Variants in PDLIM5 observed in about 807,000 individuals in gnomAD.
The protein encoded by PDLIM5 is PDZ and LIM domain 5, also known as PDZ and LIM domain protein 5.
PDLIM5 carries 34 observed loss-of-function variants against 64.2 expected under a neutral mutation model. The ratio of observed to expected loss-of-function variants is 0.53; its 90% CI spans 0.40 to 0.71. The LOEUF (loss-of-function observed/expected upper bound fraction) is 0.71. Ranked by LOEUF, PDLIM5 falls within the 30% of genes least tolerant of loss-of-function variation. The probability of loss-of-function intolerance (pLI) is 0.00; values close to 1 mark genes in which losing one functional copy is unlikely to be tolerated. For missense variants in PDLIM5, 683 were observed against 733.6 expected (o/e 0.93, Z 0.80); for synonymous variants, 253 against 269.1 (o/e 0.94, Z 0.59).
chr4:94,554,904 T>G lies in PDLIM5; in HGVS notation c.249-18447T>G, dbSNP rs574216867. Among the ~76,000 whole-genome samples the G allele has an allele frequency of 2.2e-3, 329 of 152,332 alleles. 1 individual carries two copies. Among genetic ancestry groups the G allele is most frequent in the African/African-American group, 7.1e-3 (297 of 41,582 alleles). ...ATACCATTCTGTTTTTCACTTTCAG[T>G]ACAGTATTCAATAAATAACATGAGA... On this transcript the variant is annotated intron_variant, in intron 3 of 12. Transcript: ENST00000317968.
intron 2 of PDLIM5, among the ~76,000 whole-genome samples, chr4:94,522,236 T>C (rs1021579513): frequency 6.6e-6 from 1 of 152,198 alleles, no homozygotes; most frequent in Non-Finnish European, 1.5e-5. Context: ...GGAACGACCT[T>C]CCCGAAGTCC....
intron 3 of PDLIM5, 23 bp downstream of exon 3, chr4:94,523,898 C>T (rs1285063663): frequency 6.3e-7 from 1 of 1,589,676 alleles, no homozygotes; most frequent in Admixed American, 1.7e-5. Flanking sequence ...TTGTTTGTCC[C>T]TGAAAGAGAA....
In PDLIM5 at chr4:94,667,425, TAAAC is replaced by T. The variant is rs1483115572; in HGVS notation, c.*3361_*3364del. 1 of 152,192 alleles carries T rather than the reference TAAAC, an allele frequency of 6.6e-6. No homozygotes were observed. The highest frequency in any genetic ancestry group is 1.5e-5 in the Non-Finnish European group (1 of 68,034). 9.4% of individuals were successfully genotyped at this position (152,192 alleles called of 1,614,324 possible). ...ACATGTACAAACTTTTTTTTGTCAT[TAAAC>T]AATATAGTATAACAACTATTTACAA... On this transcript the variant is annotated 3_prime_UTR_variant, in exon 13 of 13. Coordinates refer to ENST00000317968, the MANE Select transcript of PDLIM5 (RefSeq NM_006457.5).
rs904932623 is a variant in PDLIM5, at chr4:94,662,066, A to T, written c.1586-356A>T. On this transcript the variant is annotated intron_variant, in intron 11 of 12. Coordinates refer to ENST00000317968, the MANE Select transcript of PDLIM5 (RefSeq NM_006457.5). ...AATCTCTTGACCTCGTGATCTGCCT[A>T]CCTCAGCCTCCCAAAGTGCTGGGAT... is the stretch of plus-strand genomic sequence containing the variant. Among the ~76,000 whole-genome samples the T allele has an allele frequency of 3.9e-5, 6 of 152,032 alleles. No individual in the cohort carries two copies. The South Asian group carries it at 1.2e-3, about 32-fold the overall frequency.
At chr4:94,501,899 C>T (rs763401480) in intron 2 of PDLIM5, among the ~76,000 whole-genome samples, 1 of 152,170 alleles carries the variant, frequency 6.6e-6, no homozygotes, top group Non-Finnish European at 1.5e-5. Flanking sequence ...ACTCAGAAGG[C>T]TGACTTCTTT....
intron 7 of PDLIM5, among the ~76,000 whole-genome samples, chr4:94,601,941 T>G (rs752225314): frequency 2.0e-5 from 3 of 152,192 alleles, no homozygotes; most frequent in Non-Finnish European, 1.5e-5. Flanking sequence ...AAATACTTAT[T>G]TTTTTCACAT....
intron 2 of PDLIM5, among the ~76,000 whole-genome samples, chr4:94,469,094 G>A (rs1322207624): frequency 9.2e-5 from 14 of 152,208 alleles, no homozygotes; most frequent in Non-Finnish European, 1.9e-4. Context: ...CACAAAAGTA[G>A]TAGTGGCAGA....
intron 2 of PDLIM5, among the ~76,000 whole-genome samples, chr4:94,470,190 TC>T (rs1236422416): frequency 6.6e-6 from 1 of 152,236 alleles, no homozygotes; most frequent in African/African-American, 2.4e-5. Context: ...GGTCTTGATC[TC>T]CTGACCTCGT....
intron 2 of PDLIM5, among the ~76,000 whole-genome samples, chr4:94,458,996 G>T (rs10003483): frequency 0.13 from 19,612 of 152,086 alleles, 2,619 homozygotes; most frequent in African/African-American, 0.34. Flanking sequence ...TTTGCAGGCT[G>T]TCTTTTTATG....
chr4:94,454,100 T>C (rs1723108866), intron 1 of PDLIM5, among the ~76,000 whole-genome samples: 2 of 152,212 alleles, frequency 1.3e-5, no homozygotes, highest in East Asian at 3.9e-4. Context: ...CTAGAAATTT[T>C]GAATGGGTTA....
chr4:94,477,910 G>A (rs1725467569), intron 2 of PDLIM5, among the ~76,000 whole-genome samples: 1 of 152,078 alleles, frequency 6.6e-6, no homozygotes, highest in Middle Eastern at 3.2e-3. Flanking sequence ...AGTGAATAGT[G>A]AATATTTTTT....
Position 94,570,694 on chromosome 4 carries a change from C to T in PDLIM5, c.249-2657C>T, listed in dbSNP as rs139740013. On this transcript the variant is annotated intron_variant, in intron 3 of 12. Coordinates refer to ENST00000317968, the MANE Select transcript of PDLIM5 (RefSeq NM_006457.5). ...CTCTTGAGTGCTCACTTTTTTCCTTCTAGAGTTGCTTTGTTATTACAGATT... is the reference window on the plus strand; with the variant it reads ...CTCTTGAGTGCTCACTTTTTTCCTTTTAGAGTTGCTTTGTTATTACAGATT... Among the ~76,000 whole-genome samples, 266 of 152,176 alleles carry T rather than the reference C, an allele frequency of 1.7e-3. 1 individual carries two copies. The highest frequency in any genetic ancestry group is 3.7e-3 in the Admixed American group (56 of 15,290).
chr4:94,600,458 G>A (rs1023812322), intron 7 of PDLIM5, among the ~76,000 whole-genome samples: 17 of 152,188 alleles, frequency 1.1e-4, no homozygotes, highest in South Asian at 2.1e-4. Flanking sequence ...ACATTCAGAC[G>A]TATTCTTTTA....
chr4:94,457,203 C>G, intron 2 of PDLIM5: 7 of 966,748 alleles, frequency 7.2e-6, no homozygotes, highest in Non-Finnish European at 8.6e-6. Flanking sequence ...ACGGAGTCTC[C>G]TTTGTTTCTT....
At chr4:94,517,469 T>G (rs1487721275) in intron 2 of PDLIM5, among the ~76,000 whole-genome samples, 2 of 152,204 alleles carry the variant, frequency 1.3e-5, no homozygotes, top group African/African-American at 2.4e-5. Flanking sequence ...AAAATAACAC[T>G]TTCTCAGTGC....
In PDLIM5 at chr4:94,622,273, C is replaced by T. The variant is rs926297623; in HGVS notation, c.1108+4082C>T. ...ATAGCGGATTCATCATGTGTTTATG[C>T]GTTCCTGTTTAAATTATGGATAGCA... On this transcript the variant is annotated intron_variant, in intron 8 of 12. Coordinates refer to ENST00000317968, the MANE Select transcript of PDLIM5 (RefSeq NM_006457.5). Among the ~76,000 whole-genome samples, 12 of 152,212 alleles carry T rather than the reference C, an allele frequency of 7.9e-5. No homozygotes were observed. The East Asian group carries it at 1.5e-3, about 20-fold the overall frequency.
At chr4:94,519,689 A>G (rs965148158) in intron 2 of PDLIM5, among the ~76,000 whole-genome samples, 3 of 152,172 alleles carry the variant, frequency 2.0e-5, no homozygotes, top group African/African-American at 7.2e-5. Context: ...TTATAGTACT[A>G]ATTACTTTTT....
chr4:94,490,240 A>G (rs1726748111), intron 2 of PDLIM5, among the ~76,000 whole-genome samples: 1 of 152,042 alleles, frequency 6.6e-6, no homozygotes, highest in African/African-American at 2.4e-5. Context: ...AAAATATTAT[A>G]AACTCTTTAT....
intron 2 of PDLIM5, among the ~76,000 whole-genome samples, chr4:94,515,615 T>G (rs764490664): frequency 6.6e-6 from 1 of 152,188 alleles, no homozygotes. Context: ...TTTTTTTGGT[T>G]ATAGACGCCT....
Sources: gnomAD v4.1 joint callset for allele counts (sites outside exome capture counted in the v4.1 genomes callset) on GRCh38, gnomAD v4.1.1 for gene constraint, MANE v1.5 for transcripts, NCBI Gene and HGNC (gene_info 2026-07-23, HGNC 2026-07-21) for gene names.